STXBP5L: variants seen among roughly 807,000 people sequenced by gnomAD.
STXBP5L encodes the protein syntaxin-binding protein 5-like.
A neutral mutation model predicts 144.5 loss-of-function variants in STXBP5L; 65 were observed. The ratio of observed to expected loss-of-function variants is 0.45; its 90% confidence interval spans 0.37 to 0.55. STXBP5L has a LOEUF of 0.55. Among genes scored for constraint, STXBP5L ranks in the 20% least tolerant of loss-of-function variants. The pLI is 0.00. For missense variants in STXBP5L, 1,298 were observed against 1,405.5 expected, an observed-to-expected ratio of 0.92 and a Z score of 1.22; for synonymous variants, 505 against 469.6, an observed-to-expected ratio of 1.08 and a Z score of -0.97.
chr3:121,188,655 T>A (rs771850682), intron 9 of STXBP5L, among the ~76,000 whole-genome samples: 10 of 152,290 alleles, frequency 6.6e-5, no homozygotes, highest in Non-Finnish European at 1.2e-4. Context: ...TGGTTCAACA[T>A]ACGCAAATCA....
intron 3 of STXBP5L, among the ~76,000 whole-genome samples, chr3:121,015,510 T>G (rs1422919111): frequency 6.6e-6 from 1 of 152,094 alleles, no homozygotes; most frequent in Non-Finnish European, 1.5e-5. Context: ...AATAGTAACT[T>G]TTTTCAAATT....
intron 5 of STXBP5L, among the ~76,000 whole-genome samples, chr3:121,101,112 CAAAA>C (rs142123357): frequency 0.1 from 15,044 of 150,548 alleles, 1,155 homozygotes; most frequent in Admixed American, 0.2. Context: ...ATCTGCCAAA[CAAAA>C]AAAAAGCTCC....
chr3:121,070,972 T>C (rs1256550009), intron 5 of STXBP5L, among the ~76,000 whole-genome samples: 7 of 152,160 alleles, frequency 4.6e-5, no homozygotes, highest in Non-Finnish European at 8.8e-5. Context: ...ATTTCCAGGA[T>C]TGCAGACCGA....
chr3:121,267,606 C>T (rs1026573516), intron 18 of STXBP5L, among the ~76,000 whole-genome samples: 1 of 152,154 alleles, frequency 6.6e-6, no homozygotes, highest in Non-Finnish European at 1.5e-5. Context: ...AAGAAACTAT[C>T]ATCGGAGTGA....
chr3:121,179,996 AG>A (rs2047080535), intron 9 of STXBP5L, among the ~76,000 whole-genome samples: 1 of 152,350 alleles, frequency 6.6e-6, no homozygotes, highest in South Asian at 2.1e-4. Context: ...AGAAATAAAA[AG>A]TTTGGAAAAT....
intron 20 of STXBP5L, among the ~76,000 whole-genome samples, chr3:121,347,302 A>G (rs1210906200): frequency 2.6e-5 from 4 of 152,114 alleles, no homozygotes; most frequent in South Asian, 2.1e-4. Flanking sequence ...ATTCTGTTCC[A>G]TTGATCTATA....
In STXBP5L at chr3:121,233,670, T is replaced by C. The variant is rs2049379134; in HGVS notation, c.1166T>C (p.Val389Ala). ...VVLLEKDLIV[V>A]DLTQSNFPIF... ...CTTCTGGAGAAAGATCTCATTGTAGTTGATCTGACACAAAGCAAGTAAGTT... is the reference window on the plus strand; with the variant it reads ...CTTCTGGAGAAAGATCTCATTGTAGCTGATCTGACACAAAGCAAGTAAGTT... Residue 389 changes from valine to alanine, a missense_variant, in exon 12 of 27, where the codon GTT (valine) becomes GCT (alanine). Coordinates refer to ENST00000471454, the MANE Select transcript of STXBP5L (RefSeq NM_001308330.2). 2.5e-6 allele frequency: 4 copies of C among 1,612,162 alleles called. 1 individual carries two copies. The South Asian group carries it at 3.3e-5, about 13-fold the overall frequency.
At chr3:121,011,729 C>G (rs1559998461) in intron 3 of STXBP5L, among the ~76,000 whole-genome samples, 1 of 150,566 alleles carries the variant, frequency 6.6e-6, no homozygotes, top group Non-Finnish European at 1.5e-5. Context: ...CCTTTCCCAT[C>G]CAAAGCTGGA....
Position 120,971,672 on chromosome 3 carries a change from C to A in STXBP5L, c.287+16635C>A, listed in dbSNP as rs1328439378. 2.0e-5 allele frequency among the ~76,000 whole-genome samples: 3 copies of A among 149,398 alleles called. No individual in the cohort carries two copies. The East Asian group carries it at 5.9e-4, about 29-fold the overall frequency. ...ACACACACACACACACATATACATT[C>A]ATCTATATACACACATATATAAGCA... On this transcript the variant is annotated intron_variant, in intron 3 of 26. Transcript: ENST00000471454.
chr3:121,041,391 G>A (rs1180588710), intron 3 of STXBP5L, among the ~76,000 whole-genome samples: 3 of 151,998 alleles, frequency 2.0e-5, no homozygotes, highest in Non-Finnish European at 4.4e-5. Context: ...GGTGAAAATA[G>A]TGTTTAATCA....
chr3:121,302,474 T>C (rs1299945364), intron 19 of STXBP5L, among the ~76,000 whole-genome samples: 2 of 152,220 alleles, frequency 1.3e-5, no homozygotes, highest in Non-Finnish European at 2.9e-5. Flanking sequence ...ATCAATATTG[T>C]TGATCTTTTC....
rs1443014835 is a variant in STXBP5L at position 121,349,311 on chromosome 3, TGG to T, written c.2177-29404_2177-29403del. On this transcript the variant is annotated intron_variant, in intron 20 of 26. Coordinates refer to ENST00000471454, the MANE Select transcript of STXBP5L (RefSeq NM_001308330.2). ...CCTGCGTTCTAGTTTGATTGCACTG[TGG>T]TCTGAGAGACAGTTTGTTACAATTT... is the stretch of plus-strand genomic sequence containing the variant. Among the ~76,000 whole-genome samples, 25 of 152,214 alleles carry T rather than the reference TGG, an allele frequency of 1.6e-4. No individual in the cohort carries two copies. The East Asian group carries it at 4.5e-3, about 27-fold the overall frequency.
intron 9 of STXBP5L, among the ~76,000 whole-genome samples, chr3:121,166,767 T>C (rs1251886517): frequency 6.6e-6 from 1 of 152,206 alleles, no homozygotes; most frequent in Admixed American, 6.5e-5. Context: ...TGAAAGTTTT[T>C]CAGAGAGAGT....
rs566489364 is a variant in STXBP5L at position 121,196,796 on chromosome 3, A to G, written c.878-9127A>G. ...GTGATCCTCCCACCCGAGCCTTTCAAGTAGTTGGGACTACAGGCCTTTGCT... is the reference window on the plus strand; with the variant it reads ...GTGATCCTCCCACCCGAGCCTTTCAGGTAGTTGGGACTACAGGCCTTTGCT... On this transcript the variant is annotated intron_variant, in intron 9 of 26. Coordinates refer to ENST00000471454, the MANE Select transcript of STXBP5L (RefSeq NM_001308330.2). 1.2e-4 allele frequency among the ~76,000 whole-genome samples: 18 copies of G among 152,066 alleles called. No individual in the cohort carries two copies. In the South Asian group the frequency reaches 3.7e-3, roughly 32 times the overall value.
At chr3:120,976,487 A>C (rs1281756716) in intron 3 of STXBP5L, among the ~76,000 whole-genome samples, 1 of 152,074 alleles carries the variant, frequency 6.6e-6, no homozygotes, top group Non-Finnish European at 1.5e-5. Context: ...GATCATTTCA[A>C]AAAATCAGCT....
intron 20 of STXBP5L, among the ~76,000 whole-genome samples, chr3:121,341,780 G>A (rs1196634462): frequency 6.6e-6 from 1 of 152,066 alleles, no homozygotes; most frequent in East Asian, 1.9e-4. Context: ...CAAACAACAT[G>A]TTCTCACTTA....
rs61800064 is a variant in STXBP5L at position 121,077,987 on chromosome 3, G to A, written c.470+32452G>A. ...CCAGAATAGCTAGATACAGAGTGTC[G>A]ATTGGTACATTCACAAACCCTGAGC... On this transcript the variant is annotated intron_variant, in intron 5 of 26. Transcript: ENST00000471454. Among the ~76,000 whole-genome samples the A allele has an allele frequency of 2.0e-4, 31 of 151,750 alleles. No individual in the cohort carries two copies. In the East Asian group the frequency reaches 3.1e-3, roughly 15 times the overall value.
At chr3:121,288,312 G>A (rs1374491348) in intron 19 of STXBP5L, among the ~76,000 whole-genome samples, 2 of 152,162 alleles carry the variant, frequency 1.3e-5, no homozygotes, top group African/African-American at 4.8e-5. Context: ...GCATGCATGT[G>A]TTTTTATGGT....
At chr3:121,345,138 T>C (rs1341799177) in intron 20 of STXBP5L, among the ~76,000 whole-genome samples, 1 of 152,036 alleles carries the variant, frequency 6.6e-6, no homozygotes, top group Non-Finnish European at 1.5e-5. Flanking sequence ...TAGGTATTTC[T>C]CCTAATGCTA....
Sources: allele counts gnomAD v4.1 joint callset (sites outside exome capture counted in the v4.1 genomes callset), GRCh38; gene constraint gnomAD v4.1.1; transcripts MANE v1.5; gene names NCBI Gene and HGNC (gene_info 2026-07-23, HGNC 2026-07-21).